The following POGLUT1 variants were observed in gnomAD, a reference collection of about 807,000 sequenced individuals.
POGLUT1 encodes protein O-glucosyltransferase 1.
POGLUT1 carries 32 observed loss-of-function variants against 61.3 expected under a neutral mutation model. The ratio of observed to expected loss-of-function variants is 0.52; its 90% CI spans 0.39 to 0.70. The LOEUF (loss-of-function observed/expected upper bound fraction) is 0.70. Ranked by LOEUF, POGLUT1 falls within the 30% of genes least tolerant of loss-of-function variation. The probability of loss-of-function intolerance (pLI) is 0.00; values close to 1 mark genes in which losing one functional copy is unlikely to be tolerated. For synonymous variants in POGLUT1, 158 were observed against 158.2 expected, an observed-to-expected ratio of 1.00 and a Z score of 0.01; for missense variants, 411 against 469.8, an observed-to-expected ratio of 0.87 and a Z score of 1.16.
At chr3:119,475,156 C>A (rs1229648739) in intron 3 of POGLUT1, among the ~76,000 whole-genome samples, 1 of 152,170 alleles carries the variant, frequency 6.6e-6, no homozygotes, top group East Asian at 1.9e-4. Context: ...CTTGTATATC[C>A]TTCTAGAAAT....
rs753977978 is a variant in POGLUT1 at position 119,492,369 on chromosome 3, G to T, written c.1110G>T (p.Leu370=). ...TCTTGAGTGAATACTCTAAATTCCT[G>T]TCTTATAATGTAACGAGAAGGAAAG... ...ENLLSEYSKF[L]SYNVTRRKGY... The change falls in exon 11 of 11, where the codon CTG becomes CTT. Residue 370 remains leucine, a synonymous_variant. Coordinates refer to ENST00000295588, the MANE Select transcript of POGLUT1 (RefSeq NM_152305.3). The T allele has an allele frequency of 6.2e-7, 1 of 1,607,054 alleles. No individual in the cohort carries two copies. The highest frequency in any genetic ancestry group is 8.5e-7 in the Non-Finnish European group (1 of 1,174,628).
intron 8 of POGLUT1, chr3:119,490,291 C>A: frequency 2.2e-6 from 1 of 447,898 alleles, no homozygotes; most frequent in Non-Finnish European, 4.1e-6. Flanking sequence ...GCTCCTGACC[C>A]TATCTAGTGC....
intron 3 of POGLUT1, among the ~76,000 whole-genome samples, chr3:119,475,689 T>C (rs545863032): frequency 6.6e-6 from 1 of 152,034 alleles, no homozygotes; most frequent in East Asian, 1.9e-4. Flanking sequence ...GGCCTGTGCC[T>C]GTAATCCTAG....
At chr3:119,484,780 C>G (rs1323801136) in intron 5 of POGLUT1, among the ~76,000 whole-genome samples, 2 of 152,098 alleles carry the variant, frequency 1.3e-5, no homozygotes, top group Admixed American at 6.5e-5. Context: ...GCTTTTCTTT[C>G]AATGTTGTTA....
At chr3:119,470,068 G>A (rs948634733) in intron 2 of POGLUT1, among the ~76,000 whole-genome samples, 158 bp downstream of exon 2, 6 of 152,172 alleles carry the variant, frequency 3.9e-5, no homozygotes, top group African/African-American at 1.4e-4. Flanking sequence ...AGGCTCAGGT[G>A]GTGTCAACCT....
intron 3 of POGLUT1, among the ~76,000 whole-genome samples, chr3:119,476,215 C>T (rs923706862): frequency 6.6e-6 from 1 of 152,090 alleles, no homozygotes; most frequent in Admixed American, 6.6e-5. Context: ...TCTAATTGTC[C>T]TACAAAGAGG....
At chr3:119,476,209 A>C (rs943892292) in intron 3 of POGLUT1, among the ~76,000 whole-genome samples, 3 of 152,130 alleles carry the variant, frequency 2.0e-5, no homozygotes, top group African/African-American at 7.2e-5. Flanking sequence ...ATAGAATCTA[A>C]TTGTCCTACA....
Position 119,493,716 on chromosome 3 carries a change from C to T in POGLUT1, c.*1278C>T, listed in dbSNP as rs1233226977. On this transcript the variant is annotated 3_prime_UTR_variant, in exon 11 of 11. Coordinates refer to ENST00000295588, the MANE Select transcript of POGLUT1 (RefSeq NM_152305.3). ...ATTTGGCTTTTTAAACTCCTTTCCACAAAAGTTTAAGTCTAATGACCTTCT... is the reference window on the plus strand; with the variant it reads ...ATTTGGCTTTTTAAACTCCTTTCCATAAAAGTTTAAGTCTAATGACCTTCT... The T allele has an allele frequency of 2.6e-5, 4 of 151,320 alleles. No individual in the cohort carries two copies. In the East Asian group the frequency reaches 5.8e-4, roughly 22 times the overall value. The allele number at this position is 151,320 out of a possible 1,614,324, so 9.4% of individuals were successfully genotyped here.
chr3:119,480,598 CTGTAG>C (rs1485762962), intron 5 of POGLUT1, among the ~76,000 whole-genome samples: 3 of 151,966 alleles, frequency 2.0e-5, no homozygotes, highest in African/African-American at 7.2e-5. Context: ...AGACAGAAAA[CTGTAG>C]TGTAAACAAT....
chr3:119,472,107 C>A (rs1361082804), intron 3 of POGLUT1, among the ~76,000 whole-genome samples: 1 of 151,922 alleles, frequency 6.6e-6, no homozygotes, highest in African/African-American at 2.4e-5. Flanking sequence ...GGGCTGAAGG[C>A]AGGGTGGTAA....
Position 119,488,936 on chromosome 3 carries a change from T to A in POGLUT1, c.746T>A (p.Leu249Ter). The A allele has an allele frequency of 1.3e-6, 2 of 1,588,352 alleles. No homozygotes were observed. Among genetic ancestry groups the A allele is most frequent in the Non-Finnish European group, 1.7e-6 (2 of 1,157,878 alleles). ...NQAWKSMKDT[L>*]GKPAAKDVHL... is the part of the protein sequence containing the mutation. ...CTTCCTTTCCACTTAAAGGATACCT[T>A]AGGAAAGCCAGCTGCTAAGGATGTC... The change falls in exon 8 of 11, where the codon TTA (leucine) becomes TAA (stop). Residue 249 changes from leucine (L) to a stop codon, truncating the protein, a stop_gained. Coordinates refer to ENST00000295588, the MANE Select transcript of POGLUT1 (RefSeq NM_152305.3). LOFTEE classifies it high-confidence loss of function.
intron 3 of POGLUT1, among the ~76,000 whole-genome samples, chr3:119,472,501 G>T (rs1577076471): frequency 6.6e-6 from 1 of 152,208 alleles, no homozygotes; most frequent in East Asian, 1.9e-4. Context: ...CGGATCACTT[G>T]AAGTCGGGAG....
chr3:119,477,381 A>G lies in POGLUT1; in HGVS notation c.389A>G (p.Asn130Ser), dbSNP rs960212367. 5.0e-6 allele frequency: 8 copies of G among 1,614,098 alleles called. No individual in the cohort carries two copies. The highest frequency in any genetic ancestry group is 4.0e-5 in the African/African-American group (3 of 75,050). The change falls in exon 4 of 11, where the codon AAT (asparagine) becomes AGT (serine). Residue 130 changes from asparagine to serine, a missense_variant. By Grantham distance (46) the Asn-to-Ser change is conservative. Transcript: ENST00000295588. Reference sequence around the variant, plus strand: ...CTCCCTGACATGGAGATGGTGATCAATGTACGAGATTATCCTCAGGTTCCT... The same window carrying G: ...CTCCCTGACATGGAGATGGTGATCAGTGTACGAGATTATCCTCAGGTTCCT... ...GRLPDMEMVINVRDYPQVPKW... is the reference protein window; with the variant it reads ...GRLPDMEMVISVRDYPQVPKW...
At chr3:119,483,393 G>A (rs2081628897) in intron 5 of POGLUT1, among the ~76,000 whole-genome samples, 1 of 152,154 alleles carries the variant, frequency 6.6e-6, no homozygotes, top group Non-Finnish European at 1.5e-5. Context: ...AGGCAGTGTA[G>A]GTTTTAAAAA....
intron 5 of POGLUT1, among the ~76,000 whole-genome samples, chr3:119,483,339 T>C (rs904898959): frequency 1.2e-4 from 19 of 152,164 alleles, no homozygotes; most frequent in African/African-American, 4.6e-4. Flanking sequence ...TTGCAGTGAG[T>C]CTTTGCCAGA....
At chr3:119,479,834 T>C (rs1277713383) in intron 4 of POGLUT1, 1 of 1,168,932 alleles carries the variant, frequency 8.6e-7, no homozygotes, top group African/African-American at 1.5e-5. Context: ...ACCTTTAATG[T>C]GATTCTGAAT....
At position 119,485,216 on chromosome 3, in the gene POGLUT1, CA is replaced by C. The variant is rs11382133; in HGVS notation, c.579-100del. The C allele has an allele frequency of 0.23, 132,797 of 568,692 alleles. 4,839 individuals carry two copies. Among genetic ancestry groups the C allele is most frequent in the East Asian group, 0.31 (8,566 of 27,236 alleles). 35.2% of individuals were successfully genotyped at this position (568,692 alleles called of 1,614,324 possible). On this transcript the variant is annotated intron_variant, in intron 5 of 10. Transcript: ENST00000295588. ...TGGACGACAGTGCGAGACTCCGTCT[CA>C]AAAAAAAAAAAGAAATATGAAGCTC...
In POGLUT1 at chr3:119,486,793, T is replaced by C. The variant is rs1397828008; in HGVS notation, c.639-40T>C. The C allele has an allele frequency of 2.2e-6, 3 of 1,373,226 alleles. No individual in the cohort carries two copies. In the Admixed American group the frequency reaches 5.0e-5, roughly 23 times the overall value. 85.1% of individuals were successfully genotyped at this position (1,373,226 alleles called of 1,614,324 possible). On this transcript the variant is annotated intron_variant, in intron 6 of 10. Transcript: ENST00000295588. ...TCAGGGATTGGGAACAGTTTTCTAATACAGGCCACACAGTTTTATGTCACG... is the reference window on the plus strand; with the variant it reads ...TCAGGGATTGGGAACAGTTTTCTAACACAGGCCACACAGTTTTATGTCACG...
Position 119,488,952 on chromosome 3 carries a change from T to C in POGLUT1, c.762T>C (p.Ala254=), listed in dbSNP as rs1577087343. The change falls in exon 8 of 11, where the codon GCT becomes GCC. Residue 254 remains alanine, a synonymous_variant. Coordinates refer to ENST00000295588, the MANE Select transcript of POGLUT1 (RefSeq NM_152305.3). ...SMKDTLGKPA[A]KDVHLVDHCK... ...AGGATACCTTAGGAAAGCCAGCTGC[T>C]AAGGATGTCCATCTTGTGGATCACT... 1 of 1,594,248 alleles carries C rather than the reference T, an allele frequency of 6.3e-7. No individual in the cohort carries two copies. The highest frequency in any genetic ancestry group is 8.6e-7 in the Non-Finnish European group (1 of 1,163,832).
Sources: gnomAD v4.1 joint callset for allele counts (sites outside exome capture counted in the v4.1 genomes callset) on GRCh38, gnomAD v4.1.1 for gene constraint, MANE v1.5 for transcripts, NCBI Gene and HGNC (gene_info 2026-07-23, HGNC 2026-07-21) for gene names.